The following COL25A1 variants were observed in gnomAD, a reference collection of about 807,000 sequenced individuals.
COL25A1 encodes collagen type XXV alpha 1 chain.
Under a neutral mutation model 128.4 loss-of-function variants are expected in COL25A1, and 103 were observed. That is an observed-to-expected ratio of 0.80 (90% confidence interval 0.68 to 0.94). The LOEUF (loss-of-function observed/expected upper bound fraction) is 0.94. Ranked by LOEUF, COL25A1 falls within the 40% of genes least tolerant of loss-of-function variation. The probability of loss-of-function intolerance (pLI) is 0.00; values close to 1 mark genes in which losing one functional copy is unlikely to be tolerated. For synonymous variants in COL25A1, 279 were observed against 277.2 expected, an observed-to-expected ratio of 1.01 and a Z score of -0.06; for missense variants, 745 against 840.0, an observed-to-expected ratio of 0.89 and a Z score of 1.40.
At chr4:109,111,923 G>C (rs530771380) in intron 3 of COL25A1, among the ~76,000 whole-genome samples, 2 of 152,190 alleles carry the variant, frequency 1.3e-5, no homozygotes, top group East Asian at 1.9e-4. Flanking sequence ...TTTTTCTCCA[G>C]TGAATAATCC....
chr4:109,185,703 G>A (rs1775070130), intron 3 of COL25A1, among the ~76,000 whole-genome samples: 1 of 152,162 alleles, frequency 6.6e-6, no homozygotes, highest in East Asian at 1.9e-4. Context: ...TCATAAGGGT[G>A]TGGCCCTGAT....
chr4:108,933,953 T>G (rs925893994), intron 11 of COL25A1, among the ~76,000 whole-genome samples: 1 of 151,888 alleles, frequency 6.6e-6, no homozygotes, highest in African/African-American at 2.4e-5. Context: ...AGAACTAGAA[T>G]TACCATTTGA....
intron 3 of COL25A1, among the ~76,000 whole-genome samples, chr4:109,219,215 C>A (rs932820169): frequency 2.0e-5 from 3 of 152,098 alleles, no homozygotes; most frequent in African/African-American, 7.2e-5. Flanking sequence ...AGGAACTGTG[C>A]AGATGATCTA....
intron 3 of COL25A1, among the ~76,000 whole-genome samples, chr4:109,173,449 T>C (rs1202465683): frequency 6.6e-6 from 1 of 152,156 alleles, no homozygotes; most frequent in African/African-American, 2.4e-5. Context: ...TTATGGGAAA[T>C]CTTATTTTGA....
chr4:109,213,921 C>G (rs569642214), intron 3 of COL25A1, among the ~76,000 whole-genome samples: 3 of 152,022 alleles, frequency 2.0e-5, no homozygotes, highest in Non-Finnish European at 4.4e-5. Flanking sequence ...CATGCTATCA[C>G]GTAGATAGTA....
intron 13 of COL25A1, 42 bp from the exon 14 acceptor site, chr4:108,901,214 A>C (rs1742810286): frequency 7.5e-7 from 1 of 1,337,832 alleles, no homozygotes; most frequent in Non-Finnish European, 1.1e-6. Flanking sequence ...AAATAGACAA[A>C]ATCAATACAT....
intron 11 of COL25A1, among the ~76,000 whole-genome samples, chr4:108,929,938 G>C (rs1042460686): frequency 6.6e-6 from 1 of 152,086 alleles, no homozygotes; most frequent in African/African-American, 2.4e-5. Flanking sequence ...CATCAATTGG[G>C]AGAAAAACAT....
chr4:109,228,393 A>G (rs1236093244), intron 3 of COL25A1, among the ~76,000 whole-genome samples: 2 of 152,184 alleles, frequency 1.3e-5, no homozygotes, highest in Non-Finnish European at 2.9e-5. Flanking sequence ...TAATAAGGTA[A>G]TAGTTTTACC....
At chr4:108,929,296 C>A (rs1249226901) in intron 11 of COL25A1, among the ~76,000 whole-genome samples, 2 of 151,392 alleles carry the variant, frequency 1.3e-5, no homozygotes, top group Non-Finnish European at 2.9e-5. Flanking sequence ...CTAATTTTTT[C>A]TATTTTTAGT....
At chr4:109,019,375 CATAT>C (rs57842656) in intron 5 of COL25A1, among the ~76,000 whole-genome samples, 6 of 48,878 alleles carry the variant, frequency 1.2e-4, no homozygotes, top group Non-Finnish European at 2.0e-4. Context: ...CACACACACA[CATAT>C]ATATATATAT....
intron 3 of COL25A1, among the ~76,000 whole-genome samples, chr4:109,288,156 T>TC (rs1226912082): frequency 6.6e-6 from 1 of 152,156 alleles, no homozygotes; most frequent in Non-Finnish European, 1.5e-5. Context: ...TTCAAAAAGT[T>TC]CCTTCAGTCC....
intron 19 of COL25A1, among the ~76,000 whole-genome samples, chr4:108,870,851 T>C (rs979006186): frequency 3.9e-5 from 6 of 152,202 alleles, no homozygotes; most frequent in Non-Finnish European, 7.3e-5. Context: ...AGTTAATATG[T>C]TGAAAGTTTA....
chr4:108,907,445 A>T (rs887444116), intron 13 of COL25A1, among the ~76,000 whole-genome samples: 3 of 152,066 alleles, frequency 2.0e-5, no homozygotes, highest in Non-Finnish European at 2.9e-5. Context: ...GGTTCTATAA[A>T]TTTTCATGTC....
At chr4:108,825,249 T>TA (rs1433815988) in intron 33 of COL25A1, 27 bp from the exon 34 acceptor site, 1 of 1,598,528 alleles carries the variant, frequency 6.3e-7, no homozygotes, top group Non-Finnish European at 8.6e-7. Context: ...GTAGCTACAT[T>TA]AGTGTTTCTA....
intron 3 of COL25A1, among the ~76,000 whole-genome samples, chr4:109,061,529 T>C (rs1476502720): frequency 2.6e-5 from 4 of 152,360 alleles, no homozygotes; most frequent in Non-Finnish European, 2.9e-5. Flanking sequence ...GGAAATGTCA[T>C]GCATATAAAA....
chr4:109,048,035 T>C, intron 5 of COL25A1, 133 bp downstream of exon 5: 5 of 1,050,214 alleles, frequency 4.8e-6, no homozygotes, highest in Non-Finnish European at 7.2e-6. Flanking sequence ...ACTGACCACT[T>C]TAAGTATACT....
intron 19 of COL25A1, among the ~76,000 whole-genome samples, chr4:108,882,141 C>G (rs752577566): frequency 6.6e-6 from 1 of 152,140 alleles, no homozygotes; most frequent in Non-Finnish European, 1.5e-5. Context: ...CTTCAAAAAG[C>G]TCAAAACATT....
In COL25A1 at chr4:108,905,964, A is replaced by G. The variant is rs546849054; in HGVS notation, c.781-4792T>C. 3.9e-5 allele frequency among the ~76,000 whole-genome samples: 6 copies of G among 152,140 alleles called. No individual in the cohort carries two copies. The East Asian group carries it at 1.2e-3, about 29-fold the overall frequency. ...TTCTTGTGTGTAACATGGCACAGCC[A>G]CAGCTGGTCTCTGTACTGTCTGTAC... On this transcript the variant is annotated intron_variant, in intron 13 of 37. Coordinates refer to ENST00000399132, the MANE Select transcript of COL25A1 (RefSeq NM_198721.4).
Position 109,229,959 on chromosome 4 carries a change from A to T in COL25A1, c.367+70624T>A, listed in dbSNP as rs868506532. 1.8e-4 allele frequency among the ~76,000 whole-genome samples: 28 copies of T among 152,300 alleles called. No individual in the cohort carries two copies. In the East Asian group the frequency reaches 4.6e-3, roughly 25 times the overall value. On this transcript the variant is annotated intron_variant, in intron 3 of 37. Transcript: ENST00000399132. ...CACCTCCCTCAGGGAGCTTTTACTC[A>T]TGGTGGAAGGTGAAGCAGAAGCAGG...
Sources: allele counts gnomAD v4.1 joint callset (sites outside exome capture counted in the v4.1 genomes callset), GRCh38; gene constraint gnomAD v4.1.1; transcripts MANE v1.5; gene names NCBI Gene and HGNC (gene_info 2026-07-23, HGNC 2026-07-21).